Variants in LRFN2 observed in about 807,000 individuals in gnomAD.
LRFN2 encodes the protein leucine rich repeat and fibronectin type III domain containing 2.
Under a neutral mutation model 37.3 loss-of-function variants are expected in LRFN2, and 18 were observed. The observed-to-expected ratio is 0.48, with a 90% CI of 0.33 to 0.72. The LOEUF is 0.72. LRFN2 is among the 30% of genes least tolerant of loss of function. LRFN2 has a pLI of 0.02. For missense variants in LRFN2, 1,006 were observed against 1,060.7 expected, an observed-to-expected ratio of 0.95 and a Z score of 0.72; for synonymous variants, 556 against 466.6, an observed-to-expected ratio of 1.19 and a Z score of -2.47.
intron 1 of LRFN2, among the ~76,000 whole-genome samples, chr6:40,508,889 G>C (rs1344754295): frequency 6.6e-6 from 1 of 152,272 alleles, no homozygotes; most frequent in East Asian, 1.9e-4. Context: ...TATGCCATGG[G>C]CCCTCTCTGG....
chr6:40,471,498 C>T (rs1764594392), intron 1 of LRFN2, among the ~76,000 whole-genome samples: 1 of 152,166 alleles, frequency 6.6e-6, no homozygotes, highest in African/African-American at 2.4e-5. Flanking sequence ...GTGTGGCATG[C>T]TGTTGAGCGT....
At chr6:40,575,298 C>T (rs191797943) in intron 1 of LRFN2, among the ~76,000 whole-genome samples, 40 of 152,308 alleles carry the variant, frequency 2.6e-4, no homozygotes, top group African/African-American at 8.7e-4. Context: ...AGCCCAGCTC[C>T]GAGGTGCTCC....
At position 40,442,841 on chromosome 6, in the gene LRFN2, G is replaced by A. The variant is rs576244783; in HGVS notation, c.-18-9710C>T. Among the ~76,000 whole-genome samples the A allele has an allele frequency of 2.0e-4, 31 of 152,274 alleles. No homozygotes were observed. The South Asian group carries it at 5.2e-3, about 25-fold the overall frequency. ...CCCTGAACACCCCTCCTGGTTGTGC[G>A]GAGCTGGGCCTCAGCAGGGGCTGGC... On this transcript the variant is annotated intron_variant, in intron 1 of 2. Transcript: ENST00000338305.
At chr6:40,411,844 C>T (rs1343079025) in intron 2 of LRFN2, among the ~76,000 whole-genome samples, 1 of 152,130 alleles carries the variant, frequency 6.6e-6, no homozygotes, top group Non-Finnish European at 1.5e-5. Flanking sequence ...TCACTGTCTC[C>T]CAGCACCCAT....
intron 2 of LRFN2, among the ~76,000 whole-genome samples, chr6:40,395,745 G>A (rs1762601841): frequency 6.6e-6 from 1 of 152,194 alleles, no homozygotes; most frequent in Admixed American, 6.5e-5. Context: ...TTTCAGATGG[G>A]GAAACAGAGG....
chr6:40,501,786 C>T (rs1468188523), intron 1 of LRFN2: 1 of 152,174 alleles, frequency 6.6e-6, no homozygotes, highest in African/African-American at 2.4e-5. Flanking sequence ...TGAAGCCAGA[C>T]ACTCTTGTGA....
intron 1 of LRFN2, among the ~76,000 whole-genome samples, chr6:40,482,306 A>C: frequency 6.6e-6 from 1 of 152,192 alleles, no homozygotes; most frequent in South Asian, 2.1e-4. Flanking sequence ...AGTCCCATAG[A>C]GGTCCCAGGT....
At chr6:40,453,541 CA>C (rs1328732419) in intron 1 of LRFN2, among the ~76,000 whole-genome samples, 4 of 150,578 alleles carry the variant, frequency 2.7e-5, no homozygotes, top group African/African-American at 9.8e-5. Flanking sequence ...CACACACACA[CA>C]CACACACACA....
chr6:40,400,057 T>C (rs1388891292), intron 2 of LRFN2, among the ~76,000 whole-genome samples: 1 of 151,770 alleles, frequency 6.6e-6, no homozygotes, highest in African/African-American at 2.4e-5. Context: ...ACCTCATCTT[T>C]TAAGGCCTGA....
chr6:40,478,993 T>C (rs1255920934), intron 1 of LRFN2, among the ~76,000 whole-genome samples: 1 of 152,200 alleles, frequency 6.6e-6, no homozygotes, highest in Admixed American at 6.5e-5. Flanking sequence ...GAGGAGTTGG[T>C]ATAGGCAAAT....
intron 1 of LRFN2, among the ~76,000 whole-genome samples, chr6:40,532,268 G>A (rs1188828368): frequency 6.6e-6 from 1 of 152,222 alleles, no homozygotes; most frequent in Non-Finnish European, 1.5e-5. Context: ...TCATATCCCA[G>A]AGATGGCTAG....
chr6:40,496,867 T>C (rs576624524), intron 1 of LRFN2, among the ~76,000 whole-genome samples: 156 of 152,288 alleles, frequency 1.0e-3, no homozygotes, highest in East Asian at 1.2e-3. Context: ...TAGGTGCTTA[T>C]TAAAAGGACC....
At chr6:40,586,791 G>T (rs1449816318) in intron 1 of LRFN2, 150 bp downstream of exon 1, 1 of 152,406 alleles carries the variant, frequency 6.6e-6, no homozygotes, top group Middle Eastern at 3.4e-3. Flanking sequence ...AAGAGAAGGG[G>T]GTGTCCGCAT....
intron 2 of LRFN2, among the ~76,000 whole-genome samples, chr6:40,416,458 G>A (rs1033044377): frequency 6.6e-6 from 1 of 152,230 alleles, no homozygotes; most frequent in Admixed American, 6.5e-5. Context: ...GGCACCACAA[G>A]GATTCACAGA....
rs749852758 is a variant in LRFN2, at chr6:40,391,970, G to A, written c.2343C>T (p.Ser781=). 12 of 1,590,482 alleles carry A rather than the reference G, an allele frequency of 7.5e-6. No homozygotes were observed. In the South Asian group the frequency reaches 1.4e-4, roughly 18 times the overall value. Residue 781 remains serine (S), a synonymous_variant, in exon 3 of 3, where the codon TCC becomes TCT. Transcript: ENST00000338305. The part of the protein sequence containing the change: ...LVGARGTFGS[S]EWVMESTV ...AGACCGTGCTCTCCATCACCCATTC[G>A]GAGCTGCCAAAAGTCCCCCGGGCCC...
At chr6:40,568,684 TTTCCTTCCTTCCTTCC>T (rs369194708) in intron 1 of LRFN2, among the ~76,000 whole-genome samples, 36 of 131,936 alleles carry the variant, frequency 2.7e-4, no homozygotes, top group South Asian at 2.8e-4. Context: ...GTCTCCCCCA[TTTCCTTCCTTCCTTCC>T]TTCCTTCCTT....
At chr6:40,551,250 A>G (rs1766773577) in intron 1 of LRFN2, among the ~76,000 whole-genome samples, 1 of 152,218 alleles carries the variant, frequency 6.6e-6, no homozygotes. Flanking sequence ...ATTCTGGGCA[A>G]TGGCAGATAC....
intron 2 of LRFN2, among the ~76,000 whole-genome samples, chr6:40,409,057 C>T (rs985688783): frequency 5.3e-5 from 8 of 152,212 alleles, no homozygotes; most frequent in Non-Finnish European, 1.0e-4. Flanking sequence ...CCCTTACAGG[C>T]TCCACTTCTT....
chr6:40,421,851 T>G (rs1212161523), intron 2 of LRFN2, among the ~76,000 whole-genome samples: 1 of 152,234 alleles, frequency 6.6e-6, no homozygotes. Flanking sequence ...AAAAGTCAGA[T>G]TTCTGCTACT....
Sources: allele counts gnomAD v4.1 joint callset (sites outside exome capture counted in the v4.1 genomes callset), GRCh38; gene constraint gnomAD v4.1.1; transcripts MANE v1.5; gene names NCBI Gene and HGNC (gene_info 2026-07-23, HGNC 2026-07-21).